Variants in XPO1 observed in about 807,000 individuals in gnomAD.
XPO1 encodes the protein exportin 1.
XPO1 carries 5 observed loss-of-function variants against 133.3 expected under a neutral mutation model. The observed-to-expected ratio is 0.04, with a 90% CI of 0.02 to 0.08. The LOEUF is 0.08. Ranked by LOEUF, XPO1 falls within the 10% of genes least tolerant of loss-of-function variation. The pLI, the probability that XPO1 is intolerant of heterozygous loss-of-function variation, is 1.00. For missense variants in XPO1, 506 were observed against 1,267.5 expected (o/e 0.40, Z 9.12); for synonymous variants, 419 against 408.2 (o/e 1.03, Z -0.32).
At chr2:61,523,957 T>C (rs1279679047) in intron 3 of XPO1, among the ~76,000 whole-genome samples, 3 of 152,230 alleles carry the variant, frequency 2.0e-5, no homozygotes, top group Admixed American at 1.3e-4. Context: ...AATTTGATGC[T>C]ATTAAAATGT....
chr2:61,497,097 CA>C, intron 9 of XPO1, 90 bp from the exon 10 acceptor site: 2 of 1,472,298 alleles, frequency 1.4e-6, no homozygotes, highest in Non-Finnish European at 1.8e-6. Flanking sequence ...AAGGCTTTAA[CA>C]ATTAAATATA....
At chr2:61,481,661 T>C (rs1696365979) in intron 23 of XPO1, among the ~76,000 whole-genome samples, 2 of 151,752 alleles carry the variant, frequency 1.3e-5, no homozygotes, top group African/African-American at 4.8e-5. Context: ...GTCAGGCAAA[T>C]CTCAAACTCC....
intron 6 of XPO1, among the ~76,000 whole-genome samples, chr2:61,500,193 T>C (rs1374623238): frequency 6.6e-6 from 1 of 152,106 alleles, no homozygotes; most frequent in Non-Finnish European, 1.5e-5. Context: ...GTAGAAATTA[T>C]TCTAGGAGGC....
chr2:61,529,143 A>G (rs1039185174), intron 2 of XPO1, among the ~76,000 whole-genome samples: 1 of 152,112 alleles, frequency 6.6e-6, no homozygotes, highest in African/African-American at 2.4e-5. Context: ...GCTGTGATCA[A>G]GCCATTGTGC....
At chr2:61,491,670 T>A (rs1362495086) in intron 16 of XPO1, among the ~76,000 whole-genome samples, 3 of 152,042 alleles carry the variant, frequency 2.0e-5, no homozygotes, top group African/African-American at 4.8e-5. Context: ...GAGGCAAGCG[T>A]ATCGCTTGAA....
chr2:61,514,383 G>C (rs557710541), intron 4 of XPO1, among the ~76,000 whole-genome samples: 2 of 152,040 alleles, frequency 1.3e-5, no homozygotes, highest in South Asian at 2.1e-4. Context: ...ACCAGGTCAG[G>C]AGTTCGAGAC....
intron 9 of XPO1, among the ~76,000 whole-genome samples, chr2:61,497,567 AGAAT>A (rs1391493862): frequency 6.6e-6 from 1 of 152,192 alleles, no homozygotes; most frequent in Admixed American, 6.5e-5. Flanking sequence ...CAACTTTCCT[AGAAT>A]CTGTGATATG....
chr2:61,511,290 A>AT (rs897971619), intron 4 of XPO1, among the ~76,000 whole-genome samples: 4 of 151,944 alleles, frequency 2.6e-5, no homozygotes, highest in Non-Finnish European at 4.4e-5. Context: ...CGCCCAGCTA[A>AT]TTTTTTTGTT....
intron 2 of XPO1, among the ~76,000 whole-genome samples, chr2:61,530,457 G>A (rs191692116): frequency 1.2e-4 from 18 of 152,174 alleles, no homozygotes; most frequent in African/African-American, 3.9e-4. Flanking sequence ...CTAACTGAAT[G>A]GTGAAAGCAT....
chr2:61,510,579 G>A (rs1698040676), intron 4 of XPO1, among the ~76,000 whole-genome samples: 2 of 151,968 alleles, frequency 1.3e-5, no homozygotes. Context: ...CAAACACACT[G>A]GACAAAAAAT....
intron 2 of XPO1, among the ~76,000 whole-genome samples, chr2:61,530,728 T>TAA (rs201428574): frequency 7.1e-6 from 1 of 141,598 alleles, no homozygotes; most frequent in African/African-American, 2.6e-5. Flanking sequence ...CACATTCCTT[T>TAA]AAAAAAAAAA....
chr2:61,483,117 A>C (rs745722501), intron 21 of XPO1, 26 bp from the exon 22 acceptor site: 69 of 1,597,180 alleles, frequency 4.3e-5, no homozygotes, highest in Non-Finnish European at 5.6e-5. Context: ...TACCAATGGA[A>C]AGTTACTACA....
Position 61,492,623 on chromosome 2 carries a change from T to C in XPO1, c.1510A>G (p.Ile504Val). 6.2e-7 allele frequency: 1 copy of C among 1,613,984 alleles called. No homozygotes were observed. The highest frequency in any genetic ancestry group is 8.5e-7 in the Non-Finnish European group (1 of 1,179,966). ...LNTLCWAIGS[I>V]SGAMHEEDEK... is the part of the protein sequence containing the mutation. ...TCCTCTTCATGCATTGCTCCACTAA[T>C]GGAGCCTATTGCCCAACACAATGTA... The change falls in exon 14 of 25, where the codon ATT becomes GTT. Residue 504 changes from isoleucine to valine, a missense_variant. Transcript: ENST00000401558. This position sits in a 1 kb window ranked among gnomAD's most constrained non-coding sequence, Gnocchi z 5.6.
chr2:61,483,193 C>T (rs1332111877), intron 21 of XPO1, 102 bp from the exon 22 acceptor site: 2 of 1,332,740 alleles, frequency 1.5e-6, no homozygotes, highest in Admixed American at 2.6e-5. Flanking sequence ...CCTGTTCTCC[C>T]TTTTTTTTGG....
rs1223492634 is a variant in XPO1 at position 61,490,627 on chromosome 2, G to C, written c.2022+15C>G. Reference sequence around the variant, plus strand: ...AATCCCATGAAAACTTTTAAGAAAAGGTAGAAATACTTACTTTGGTTGCCT... The same window carrying C: ...AATCCCATGAAAACTTTTAAGAAAACGTAGAAATACTTACTTTGGTTGCCT... On this transcript the variant is annotated intron_variant, in intron 17 of 24. Transcript: ENST00000401558. 1.2e-6 allele frequency: 2 copies of C among 1,613,566 alleles called. No individual in the cohort carries two copies. Among genetic ancestry groups the C allele is most frequent in the Non-Finnish European group, 1.7e-6 (2 of 1,179,898 alleles).
At chr2:61,537,401 A>C (rs1247154353) in intron 1 of XPO1, among the ~76,000 whole-genome samples, 161 bp downstream of exon 1, 5 of 149,490 alleles carry the variant, frequency 3.3e-5, no homozygotes, top group African/African-American at 1.2e-4. Context: ...GGCTCCATTC[A>C]ATCGCAGGCT....
At chr2:61,479,812 C>T (rs537960152) in intron 24 of XPO1, among the ~76,000 whole-genome samples, 2 of 152,268 alleles carry the variant, frequency 1.3e-5, no homozygotes, top group Non-Finnish European at 2.9e-5. Flanking sequence ...ATCCACCTGT[C>T]TCGGCCTCCC....
intron 4 of XPO1, among the ~76,000 whole-genome samples, chr2:61,502,947 G>A (rs1232623812): frequency 1.5e-5 from 2 of 136,962 alleles, no homozygotes; most frequent in Non-Finnish European, 3.1e-5. Context: ...TCCTGATTTG[G>A]TTCCATGTGT....
intron 20 of XPO1, chr2:61,485,473 A>AACCCCCCCCCCCCCCCC (rs1553402570): frequency 9.7e-6 from 1 of 103,552 alleles, no homozygotes; most frequent in Non-Finnish European, 2.0e-5. Flanking sequence ...GGCTCAAGTG[A>AACCCCCCCCCCCCCCCC]CCCCCCCCCC....
Sources: allele counts gnomAD v4.1 joint callset (sites outside exome capture counted in the v4.1 genomes callset), GRCh38; gene constraint gnomAD v4.1.1; non-coding constraint Gnocchi (gnomAD v3.1); transcripts MANE v1.5; gene names NCBI Gene and HGNC (gene_info 2026-07-23, HGNC 2026-07-21).